PLSCR5: variants seen among roughly 807,000 people sequenced by gnomAD.
PLSCR5 encodes the protein phospholipid scramblase family, member 5.
Under a neutral mutation model 33.6 loss-of-function variants are expected in PLSCR5, and 44 were observed. That is an observed-to-expected ratio of 1.31 (90% CI 1.03 to 1.69). The LOEUF is 1.69. PLSCR5 is among the 40% of genes most tolerant of loss of function. PLSCR5 has a pLI of 0.00. For synonymous variants in PLSCR5, 148 were observed against 112.3 expected, an observed-to-expected ratio of 1.32 and a Z score of -2.01; for missense variants, 375 against 318.7, an observed-to-expected ratio of 1.18 and a Z score of -1.34.
At chr3:146,580,304 C>T (rs757442483) in intron 7 of PLSCR5, among the ~76,000 whole-genome samples, 8 of 152,124 alleles carry the variant, frequency 5.3e-5, no homozygotes, top group Non-Finnish European at 5.9e-5. Flanking sequence ...TCTTCCTAAA[C>T]TTGCCTTGCA....
Position 146,592,189 on chromosome 3 carries a change from A to G in PLSCR5, c.454-308T>C, listed in dbSNP as rs1419767436. On this transcript the variant is annotated intron_variant, in intron 4 of 7. Coordinates refer to ENST00000443512, the MANE Select transcript of PLSCR5 (RefSeq NM_001085420.2). ...AGTGGCTTCTTTGCCATTTTATCCC[A>G]AGTACAACCATTGGTCAACCACTGA... Among the ~76,000 whole-genome samples the G allele has an allele frequency of 7.2e-5, 11 of 152,018 alleles. No individual in the cohort carries two copies. In the East Asian group the frequency reaches 2.1e-3, roughly 29 times the overall value.
intron 2 of PLSCR5, among the ~76,000 whole-genome samples, chr3:146,595,329 G>C (rs1318621646): frequency 6.6e-6 from 1 of 152,096 alleles, no homozygotes; most frequent in African/African-American, 2.4e-5. Context: ...AATAAGAATA[G>C]CAACGGGGCT....
At chr3:146,589,454 A>T (rs1042880973) in intron 6 of PLSCR5, 199 bp downstream of exon 6, 13 of 415,406 alleles carry the variant, frequency 3.1e-5, no homozygotes, top group African/African-American at 6.1e-5. Context: ...GGGATATGAG[A>T]TCACTGAAGA....
chr3:146,598,512 T>C (rs56404852), intron 2 of PLSCR5, among the ~76,000 whole-genome samples: 7,756 of 152,274 alleles, frequency 0.051, 676 homozygotes, highest in African/African-American at 0.18. Flanking sequence ...TTTTGGAAAA[T>C]TTATTCCATT....
chr3:146,598,329 G>T (rs542705871), intron 2 of PLSCR5, among the ~76,000 whole-genome samples: 4 of 152,216 alleles, frequency 2.6e-5, no homozygotes, highest in African/African-American at 9.6e-5. Context: ...CAGACTCATG[G>T]CATAACAGTT....
downstream of PLSCR5, among the ~76,000 whole-genome samples, chr3:146,581,133 CCAGT>C (rs1368566632): frequency 2.0e-5 from 3 of 152,156 alleles, no homozygotes; most frequent in East Asian, 3.9e-4. Flanking sequence ...TAAGGGTCAG[CCAGT>C]CAGTGAACAT....
intron 4 of PLSCR5, among the ~76,000 whole-genome samples, chr3:146,592,230 G>T (rs921070142): frequency 3.3e-5 from 5 of 151,908 alleles, no homozygotes; most frequent in Admixed American, 6.6e-5. Flanking sequence ...TTCCTATGTG[G>T]TTACTCATAT....
downstream of PLSCR5, among the ~76,000 whole-genome samples, chr3:146,585,346 T>G (rs1450494138): frequency 1.3e-5 from 2 of 152,028 alleles, no homozygotes; most frequent in Non-Finnish European, 2.9e-5. Flanking sequence ...GTCTTAGAGG[T>G]CTATTTATAT....
At position 146,595,032 on chromosome 3, in the gene PLSCR5, T is replaced by C; in HGVS notation, c.232+9A>G. 7.1e-7 allele frequency: 1 copy of C among 1,409,564 alleles called. No individual in the cohort carries two copies. Among genetic ancestry groups the C allele is most frequent in the Non-Finnish European group, 9.4e-7 (1 of 1,059,574 alleles). The allele number at this position is 1,409,564 out of a possible 1,614,324, so 87.3% of individuals were successfully genotyped here. On this transcript the variant is annotated intron_variant, in intron 3 of 7. Transcript: ENST00000443512. ...TTTAATAAATATGTAATATATATAA[T>C]GCACTTACTTCCAAGCAGCTCCACC... is the stretch of plus-strand genomic sequence containing the variant.
At chr3:146,595,545 C>G (rs1411275701) in intron 2 of PLSCR5, among the ~76,000 whole-genome samples, 1 of 151,570 alleles carries the variant, frequency 6.6e-6, no homozygotes, top group Non-Finnish European at 1.5e-5. Flanking sequence ...CCTGGGAGGT[C>G]GAGGTTGTGG....
intron 2 of PLSCR5, among the ~76,000 whole-genome samples, chr3:146,599,679 CTTTTTTTT>C (rs34180865): frequency 1.4e-5 from 2 of 139,218 alleles, no homozygotes; most frequent in Non-Finnish European, 3.1e-5. Flanking sequence ...CTTTTCTTTT[CTTTTTTTT>C]TTTTTTTCCA....
chr3:146,577,233 G>A (rs1279963327), intron 7 of PLSCR5, among the ~76,000 whole-genome samples: 2 of 152,058 alleles, frequency 1.3e-5, no homozygotes, highest in East Asian at 3.9e-4. Flanking sequence ...TTATCATCTT[G>A]TTACCTTAAA....
chr3:146,600,309 A>C lies in PLSCR5; in HGVS notation c.168T>G (p.Pro56=), dbSNP rs762025211. The change falls in exon 2 of 8, where the codon CCT becomes CCG. Residue 56 remains proline, a synonymous_variant. Transcript: ENST00000443512. ...ACACCTGGCTTAAATATTCTAGACC[A>C]GGAGGGAGACTGACTGTTGGCAGGA... ...SSFLPTVSLP[P]GLEYLSQLDL... The C allele has an allele frequency of 1.9e-6, 3 of 1,596,026 alleles. No individual in the cohort carries two copies. Among genetic ancestry groups the C allele is most frequent in the Non-Finnish European group, 2.6e-6 (3 of 1,169,820 alleles).
At position 146,586,745 on chromosome 3, in the gene PLSCR5, T is replaced by C. The variant is rs562817339; in HGVS notation, c.778-633A>G. ...AGAAGAGACCAAAAATTAGATTTCA[T>C]TTGTGATTTAGATTTGTATTTAAAT... On this transcript the variant is annotated intron_variant, in intron 6 of 7. Transcript: ENST00000443512. Among the ~76,000 whole-genome samples the C allele has an allele frequency of 1.4e-4, 11 of 80,856 alleles. No individual in the cohort carries two copies. The East Asian group carries it at 3.4e-3, about 25-fold the overall frequency. 53.0% of individuals were successfully genotyped at this position (80,856 alleles called of 152,430 possible).
chr3:146,590,927 A>T (rs1257922413), intron 5 of PLSCR5, among the ~76,000 whole-genome samples: 1 of 151,986 alleles, frequency 6.6e-6, no homozygotes, highest in Non-Finnish European at 1.5e-5. Context: ...ATATTGCTAC[A>T]GATCAAATTT....
rs1170556618 is a variant in PLSCR5, at chr3:146,580,454, C to CTTTTTTT, written c.*45-3736_*45-3730dup. On this transcript the variant is annotated intron_variant, in intron 7 of 7. Transcript: ENST00000482567. ...TCTTGACTCAGAGCCTTTGAATTTGCTTTTTTTTTTTTTTTTTTTTTTTTT... is the reference window on the plus strand; with the variant it reads ...TCTTGACTCAGAGCCTTTGAATTTGCTTTTTTTTTTTTTTTTTTTTTTTTTTTTTTTT... 4.6e-4 allele frequency among the ~76,000 whole-genome samples: 28 copies of CTTTTTTT among 60,554 alleles called. 1 individual carries two copies. The highest frequency in any genetic ancestry group is 6.4e-4 in the South Asian group (1 of 1,568). 39.7% of individuals were successfully genotyped at this position (60,554 alleles called of 152,430 possible).
chr3:146,602,925 T>G (rs538625154), intron 1 of PLSCR5, among the ~76,000 whole-genome samples: 1 of 152,212 alleles, frequency 6.6e-6, no homozygotes, highest in South Asian at 2.1e-4. Flanking sequence ...AGTCTCTGCC[T>G]GAGACTGTTG....
In PLSCR5 at chr3:146,580,454, C is replaced by CTTT. The variant is rs1170556618; in HGVS notation, c.*45-3732_*45-3730dup. On this transcript the variant is annotated intron_variant, in intron 7 of 7. Coordinates refer to the PLSCR5 transcript ENST00000482567. ...TCTTGACTCAGAGCCTTTGAATTTG[C>CTTT]TTTTTTTTTTTTTTTTTTTTTTTTT... Among the ~76,000 whole-genome samples, 198 of 60,552 alleles carry CTTT rather than the reference C, an allele frequency of 3.3e-3. 24 individuals carry two copies. Among genetic ancestry groups the CTTT allele is most frequent in the African/African-American group, 0.012 (171 of 13,798 alleles). The allele number at this position is 60,552 out of a possible 152,430, so 39.7% of individuals were successfully genotyped here.
intron 7 of PLSCR5, among the ~76,000 whole-genome samples, chr3:146,580,763 C>T (rs1431614942): frequency 6.6e-6 from 1 of 151,982 alleles, no homozygotes; most frequent in Non-Finnish European, 1.5e-5. Flanking sequence ...GCGCCTGCCC[C>T]GCATTTACTT....
Sources: gnomAD v4.1 joint callset for allele counts (sites outside exome capture counted in the v4.1 genomes callset) on GRCh38, gnomAD v4.1.1 for gene constraint, MANE v1.5 for transcripts, NCBI Gene and HGNC (gene_info 2026-07-23, HGNC 2026-07-21) for gene names.